The following ASMT variants were observed in gnomAD, a reference collection of about 807,000 sequenced individuals.
The protein encoded by ASMT is acetylserotonin O-methyltransferase.
In ASMT, 53 loss-of-function variants were observed where a neutral mutation model predicts 41.3. The ratio of observed to expected loss-of-function variants is 1.28; its 90% CI spans 1.03 to 1.61. ASMT has a LOEUF of 1.61. Ranked by LOEUF, ASMT falls within the 40% of genes most tolerant of loss-of-function variation. The probability of loss-of-function intolerance (pLI) is 0.00; values close to 1 mark genes in which losing one functional copy is unlikely to be tolerated. For synonymous variants in ASMT, 231 were observed against 184.8 expected (o/e 1.25, Z -2.03); for missense variants, 531 against 441.3 (o/e 1.20, Z -1.82).
intron 1 of ASMT, among the ~76,000 whole-genome samples, chrX:1,620,988 CG>C (rs1569371089): frequency 6.6e-6 from 1 of 151,804 alleles, no homozygotes; most frequent in African/African-American, 2.4e-5. Flanking sequence ...CACAGCTACT[CG>C]GGAGGCTGGG....
At chrX:1,626,577 C>T (rs1934556866) in intron 3 of ASMT, among the ~76,000 whole-genome samples, 1 of 152,092 alleles carries the variant, frequency 6.6e-6, no homozygotes, top group African/African-American at 2.4e-5. Flanking sequence ...ATGCCAGAGT[C>T]AGGTTGGAAA....
At chrX:1,630,187 G>A (rs1294942553) in intron 5 of ASMT, among the ~76,000 whole-genome samples, 5 of 151,954 alleles carry the variant, frequency 3.3e-5, no homozygotes, top group African/African-American at 7.3e-5. Flanking sequence ...AGGCTGCAGT[G>A]CAGTGGCATG....
At chrX:1,636,211 C>T (rs1407896639) in intron 7 of ASMT, 1 of 620,884 alleles carries the variant, frequency 1.6e-6, no homozygotes, top group Non-Finnish European at 3.0e-6. Flanking sequence ...CCCACCTCCG[C>T]CTCCCAAAGT....
At chrX:1,627,629 G>T in intron 3 of ASMT, 74 bp from the exon 4 acceptor site, 1 of 1,273,916 alleles carries the variant, frequency 7.8e-7, no homozygotes, top group Non-Finnish European at 1.1e-6. Flanking sequence ...GAAACGAAAT[G>T]AAACGAAATG....
At chrX:1,619,252 G>C (rs1934247773) in intron 1 of ASMT, among the ~76,000 whole-genome samples, 1 of 151,822 alleles carries the variant, frequency 6.6e-6, no homozygotes, top group African/African-American at 2.4e-5. Flanking sequence ...AAATTACCTG[G>C]GCGTGGTGGC....
In ASMT at chrX:1,629,496, G is replaced by A. The variant is rs537103701; in HGVS notation, c.444-325G>A. Among the ~76,000 whole-genome samples, 61 of 152,274 alleles carry A rather than the reference G, an allele frequency of 4.0e-4. No homozygotes were observed. The South Asian group carries it at 0.011, about 28-fold the overall frequency. On this transcript the variant is annotated intron_variant, in intron 4 of 8. Transcript: ENST00000381241. ...CCCGCTTCCTGGATTTGTCCTCTGG[G>A]GCTGAGCTCTGTGGATGGGGGAACG... is the stretch of plus-strand genomic sequence containing the variant.
chrX:1,619,728 T>C (rs1197001153), intron 1 of ASMT, among the ~76,000 whole-genome samples: 4 of 151,516 alleles, frequency 2.6e-5, no homozygotes, highest in Admixed American at 2.0e-4. Context: ...AAAGAACAAT[T>C]AATTGAGACA....
intron 1 of ASMT, among the ~76,000 whole-genome samples, chrX:1,616,721 C>T (rs1186612844): frequency 3.3e-5 from 5 of 150,536 alleles, no homozygotes; most frequent in Non-Finnish European, 5.9e-5. Context: ...ATTCTTTTTT[C>T]TTTTTGAGAC....
At chrX:1,624,165 C>A in intron 2 of ASMT, 104 bp from the exon 3 acceptor site, 1 of 1,448,878 alleles carries the variant, frequency 6.9e-7, no homozygotes, top group Non-Finnish European at 9.7e-7. Context: ...AAGAGATGGG[C>A]TTGTAATCAT....
At chrX:1,632,374 G>A (rs1304176239) in intron 5 of ASMT, among the ~76,000 whole-genome samples, 4 of 152,118 alleles carry the variant, frequency 2.6e-5, no homozygotes, top group South Asian at 2.1e-4. Flanking sequence ...GAGTTCGGCC[G>A]GGCGCGGTGG....
chrX:1,624,113 G>C, intron 2 of ASMT, 156 bp from the exon 3 acceptor site: 1 of 481,860 alleles, frequency 2.1e-6, no homozygotes, highest in Non-Finnish European at 2.7e-6. Context: ...TCCACAGAAG[G>C]CTCCAGCTGT....
chrX:1,641,289 C>A lies in ASMT; in HGVS notation c.911-1514C>A, dbSNP rs762154165. 4.9e-4 allele frequency among the ~76,000 whole-genome samples: 12 copies of A among 24,516 alleles called. 2 individuals are homozygous for A. Among genetic ancestry groups the A allele is most frequent in the Middle Eastern group, 0.019 (1 of 52 alleles). The allele number at this position is 24,516 out of a possible 152,430, so 16.1% of individuals were successfully genotyped here. A position where few individuals can be genotyped will look rare whatever the true frequency, so the allele number is the denominator to read the frequency against. Reference sequence around the variant, plus strand: ...CAGCCTCTGTGTGTGAGATAGGGACCATGTCCCAGCTCTCCTGTGAGGTCC... The same window carrying A: ...CAGCCTCTGTGTGTGAGATAGGGACAATGTCCCAGCTCTCCTGTGAGGTCC... On this transcript the variant is annotated intron_variant, in intron 8 of 8. Coordinates refer to ENST00000381241, the MANE Select transcript of ASMT (RefSeq NM_001171038.2).
chrX:1,643,071 A>C lies in ASMT; in HGVS notation c.*57A>C. The C allele has an allele frequency of 1.9e-6, 3 of 1,558,756 alleles. No homozygotes were observed. Among genetic ancestry groups the C allele is most frequent in the Non-Finnish European group, 1.8e-6 (2 of 1,130,006 alleles). Reference sequence around the variant, plus strand: ...GCACACAAGACATAATAATAAAGACATGTACCTCCAGTGGCTTCTTGTTCT... The same window carrying C: ...GCACACAAGACATAATAATAAAGACCTGTACCTCCAGTGGCTTCTTGTTCT... On this transcript the variant is annotated 3_prime_UTR_variant, in exon 9 of 9. Transcript: ENST00000381241.
At chrX:1,619,556 A>AT (rs2149460682) in intron 1 of ASMT, among the ~76,000 whole-genome samples, 1 of 133,566 alleles carries the variant, frequency 7.5e-6, no homozygotes, top group East Asian at 2.0e-4. Context: ...AAGTATAATA[A>AT]TAATAATAAT....
chrX:1,620,329 G>A (rs1283082942), intron 1 of ASMT, among the ~76,000 whole-genome samples: 4 of 151,182 alleles, frequency 2.6e-5, no homozygotes, highest in Non-Finnish European at 5.9e-5. Flanking sequence ...GCACCACCAT[G>A]CCTACTTTTT....
At chrX:1,632,248 G>A (rs150126735) in intron 5 of ASMT, among the ~76,000 whole-genome samples, 1,968 of 152,174 alleles carry the variant, frequency 0.013, 31 homozygotes, top group Non-Finnish European at 0.016. Flanking sequence ...AGTTAAGTGC[G>A]TGGCCATATG....
At chrX:1,628,328 G>T (rs1177431021) in intron 4 of ASMT, among the ~76,000 whole-genome samples, 2 of 152,120 alleles carry the variant, frequency 1.3e-5, no homozygotes, top group African/African-American at 2.4e-5. Context: ...TCTCAAAAAA[G>T]AAAAGAAAAG....
chrX:1,623,035 A>T, intron 1 of ASMT, 104 bp from the exon 2 acceptor site: 1 of 1,139,752 alleles, frequency 8.8e-7, no homozygotes, highest in Admixed American at 2.1e-5. Flanking sequence ...GAATATAAAT[A>T]AAACAATGCT....
chrX:1,621,083 G>A (rs192387216), intron 1 of ASMT, among the ~76,000 whole-genome samples: 2,026 of 152,104 alleles, frequency 0.013, 39 homozygotes, highest in African/African-American at 0.046. Context: ...GTGACAGAGC[G>A]AGACTCCGTC....
Sources: allele counts gnomAD v4.1 joint callset (sites outside exome capture counted in the v4.1 genomes callset), GRCh38; gene constraint gnomAD v4.1.1; transcripts MANE v1.5; gene names NCBI Gene and HGNC (gene_info 2026-07-23, HGNC 2026-07-21).